Variants in STAU1 observed in about 807,000 individuals in gnomAD.
The protein encoded by STAU1 is double-stranded RNA-binding protein Staufen homolog 1.
In STAU1, 13 loss-of-function variants were observed where a neutral mutation model predicts 62.9. That is an observed-to-expected ratio of 0.21 (90% CI 0.13 to 0.33). The LOEUF (loss-of-function observed/expected upper bound fraction) is 0.33. Ranked by LOEUF, STAU1 falls within the 10% of genes least tolerant of loss-of-function variation. The pLI is 1.00. For missense variants in STAU1, 571 were observed against 712.1 expected (o/e 0.80, Z 2.25); for synonymous variants, 269 against 265.1 (o/e 1.01, Z -0.14).
At chr20:49,139,312 G>C (rs772311160) in intron 5 of STAU1, among the ~76,000 whole-genome samples, 4 of 152,168 alleles carry the variant, frequency 2.6e-5, no homozygotes, top group African/African-American at 4.8e-5. Flanking sequence ...AATGGGATTT[G>C]CAAATCATTT....
chr20:49,130,591 TAAA>T (rs541566894), intron 6 of STAU1, among the ~76,000 whole-genome samples: 1 of 151,952 alleles, frequency 6.6e-6, no homozygotes, highest in African/African-American at 2.4e-5. Context: ...ACTTTGGGTT[TAAA>T]AAAAAGCAGC....
intron 1 of STAU1, among the ~76,000 whole-genome samples, chr20:49,181,766 CAAAAA>C (rs758956478): frequency 1.6e-4 from 4 of 24,522 alleles, no homozygotes; most frequent in African/African-American, 5.0e-4. Context: ...ACTATCTCAA[CAAAAA>C]AAAAAAAAAA....
chr20:49,189,201 C>CAAAAAAAA (rs545643816), upstream of STAU1, among the ~76,000 whole-genome samples: 8 of 33,622 alleles, frequency 2.4e-4, no homozygotes, highest in Non-Finnish European at 3.1e-4. Flanking sequence ...ACACTGGTCT[C>CAAAAAAAA]AAAAAAAAAA....
chr20:49,195,898 CAAAAAAA>C, the STAU1 span, among the ~76,000 whole-genome samples: 2 of 33,880 alleles, frequency 5.9e-5, no homozygotes, highest in African/African-American at 2.0e-4. Flanking sequence ...AACTTCCTCT[CAAAAAAA>C]AAAAAAAAAA....
intron 3 of STAU1, among the ~76,000 whole-genome samples, chr20:49,156,584 T>C (rs1039088214): frequency 2.6e-5 from 4 of 152,242 alleles, no homozygotes; most frequent in African/African-American, 9.6e-5. Context: ...TCCAAAGCTT[T>C]AGCAGCAGCT....
intron 1 of STAU1, among the ~76,000 whole-genome samples, chr20:49,177,995 G>C (rs990929924): frequency 1.3e-5 from 2 of 151,420 alleles, no homozygotes; most frequent in Non-Finnish European, 2.9e-5. Flanking sequence ...CTAGGAAACA[G>C]AGGAAGACCC....
chr20:49,186,207 G>A lies in STAU1; in HGVS notation c.-160+1909C>T, dbSNP rs373194550. Among the ~76,000 whole-genome samples the A allele has an allele frequency of 8.1e-4, 123 of 152,066 alleles. 1 individual carries two copies. The South Asian group carries it at 0.013, about 17-fold the overall frequency. ...CGAAAACTACAAAAATTAACACGGC[G>A]CGGTGGCGGGCGTCTGTAATCCCAG... On this transcript the variant is annotated intron_variant, in intron 1 of 13. Coordinates refer to ENST00000371856, the MANE Select transcript of STAU1 (RefSeq NM_017453.4).
intron 3 of STAU1, among the ~76,000 whole-genome samples, chr20:49,160,365 T>C: frequency 6.6e-6 from 1 of 152,224 alleles, no homozygotes; most frequent in Non-Finnish European, 1.5e-5. Context: ...CAAAATGAGA[T>C]AAATAACTCA....
At chr20:49,213,333 C>T in the STAU1 span, among the ~76,000 whole-genome samples, 2 of 152,016 alleles carry the variant, frequency 1.3e-5, no homozygotes, top group Non-Finnish European at 2.9e-5. Flanking sequence ...TGGATTCAAA[C>T]AATTCTCCTG....
chr20:49,134,290 G>A (rs541281845), intron 6 of STAU1, among the ~76,000 whole-genome samples: 1 of 152,116 alleles, frequency 6.6e-6, no homozygotes, highest in South Asian at 2.1e-4. Flanking sequence ...AATTAGCTCG[G>A]CATGGTGGCG....
At chr20:49,199,634 G>A in the STAU1 span, among the ~76,000 whole-genome samples, 1 of 149,844 alleles carries the variant, frequency 6.7e-6, no homozygotes, top group East Asian at 2.0e-4. Context: ...GTGCAGTGGT[G>A]CGATCTTGGC....
intron 12 of STAU1, among the ~76,000 whole-genome samples, chr20:49,116,163 T>C (rs548301927): frequency 6.6e-6 from 1 of 152,236 alleles, no homozygotes; most frequent in East Asian, 1.9e-4. Context: ...CAAAAATCTA[T>C]CATGTATTTT....
At chr20:49,173,048 G>A (rs1221057385) in intron 2 of STAU1, among the ~76,000 whole-genome samples, 1 of 151,610 alleles carries the variant, frequency 6.6e-6, no homozygotes, top group African/African-American at 2.4e-5. Flanking sequence ...GTTTCACCGT[G>A]TTAGCCAGGA....
chr20:49,142,731 T>A (rs1293912326), intron 5 of STAU1, among the ~76,000 whole-genome samples: 2 of 152,196 alleles, frequency 1.3e-5, no homozygotes, highest in African/African-American at 4.8e-5. Flanking sequence ...GGAGTATCAT[T>A]AGGAACAAAG....
chr20:49,133,985 T>C (rs377195769), intron 6 of STAU1, among the ~76,000 whole-genome samples: 1 of 152,326 alleles, frequency 6.6e-6, no homozygotes, highest in Non-Finnish European at 1.5e-5. Context: ...ACATCACCTG[T>C]AACTGTAAAG....
chr20:49,132,144 A>G lies in STAU1; in HGVS notation c.609+3689T>C, dbSNP rs564002340. Among the ~76,000 whole-genome samples, 16 of 152,036 alleles carry G rather than the reference A, an allele frequency of 1.1e-4. 1 individual carries two copies. Among genetic ancestry groups the G allele is most frequent in the African/African-American group, 3.4e-4 (14 of 41,468 alleles). ...ACCTGGCCTGCTTAGGCACCCGTGG[A>G]CTGATTTTAAAGAACTCCCATAGGT... is the stretch of plus-strand genomic sequence containing the variant. On this transcript the variant is annotated intron_variant, in intron 6 of 13. Coordinates refer to ENST00000371856, the MANE Select transcript of STAU1 (RefSeq NM_017453.4).
At chr20:49,192,981 A>G (rs2093833115), upstream of STAU1, among the ~76,000 whole-genome samples, 1 of 152,216 alleles carries the variant, frequency 6.6e-6, no homozygotes, top group African/African-American at 2.4e-5. Flanking sequence ...AGCATTACCA[A>G]TTAAAATAGT....
chr20:49,185,694 G>A (rs574370711), intron 1 of STAU1, among the ~76,000 whole-genome samples: 2 of 152,216 alleles, frequency 1.3e-5, no homozygotes, highest in South Asian at 4.1e-4. Context: ...AATTGTCAAA[G>A]CTAAGTGAGT....
chr20:49,131,654 C>T (rs971956687), intron 6 of STAU1, among the ~76,000 whole-genome samples: 1 of 151,996 alleles, frequency 6.6e-6, no homozygotes, highest in Admixed American at 6.6e-5. Context: ...ACCAGCCTGG[C>T]CAACATGGTG....
Sources: gnomAD v4.1 joint callset for allele counts (sites outside exome capture counted in the v4.1 genomes callset) on GRCh38, gnomAD v4.1.1 for gene constraint, MANE v1.5 for transcripts, NCBI Gene and HGNC (gene_info 2026-07-23, HGNC 2026-07-21) for gene names.